ADGRL3: variants seen among roughly 807,000 people sequenced by gnomAD.
ADGRL3 encodes calcium-independent alpha-latrotoxin receptor 3.
Under a neutral mutation model 153.5 loss-of-function variants are expected in ADGRL3, and 62 were observed. The observed-to-expected ratio is 0.40, with a 90% CI of 0.33 to 0.50. The LOEUF is 0.50. ADGRL3 is among the 20% of genes least tolerant of loss of function. The pLI, the probability that ADGRL3 is intolerant of heterozygous loss-of-function variation, is 0.47. For missense variants in ADGRL3, 1,641 were observed against 1,859.4 expected, an observed-to-expected ratio of 0.88 and a Z score of 2.16; for synonymous variants, 710 against 672.5, an observed-to-expected ratio of 1.06 and a Z score of -0.86.
chr4:61,592,906 A>T (rs1474759770), intron 5 of ADGRL3, among the ~76,000 whole-genome samples: 1 of 152,168 alleles, frequency 6.6e-6, no homozygotes, highest in Non-Finnish European at 1.5e-5. Context: ...AGCATGGTTC[A>T]TGGAAATTTG....
intron 8 of ADGRL3, among the ~76,000 whole-genome samples, chr4:61,766,090 T>C (rs2096975141): frequency 6.6e-6 from 1 of 151,528 alleles, no homozygotes; most frequent in Non-Finnish European, 1.5e-5. Context: ...AGAAAGAAAT[T>C]TGGGGAAATG....
chr4:61,647,499 T>A (rs951868962), intron 5 of ADGRL3, among the ~76,000 whole-genome samples: 10 of 152,158 alleles, frequency 6.6e-5, no homozygotes, highest in Admixed American at 1.3e-4. Flanking sequence ...CATTGAAGTC[T>A]CATTGATGGT....
chr4:61,477,164 A>T (rs918874153), intron 2 of ADGRL3, among the ~76,000 whole-genome samples: 2 of 152,158 alleles, frequency 1.3e-5, no homozygotes, highest in Admixed American at 6.5e-5. Flanking sequence ...TTGAGCCTCT[A>T]TTCAAATTAC....
intron 4 of ADGRL3, among the ~76,000 whole-genome samples, chr4:61,554,326 T>A (rs1378541913): frequency 6.6e-6 from 1 of 151,972 alleles, no homozygotes; most frequent in Non-Finnish European, 1.5e-5. Context: ...CCAGATTAGC[T>A]GGGATTACAG....
At chr4:62,007,383 T>TATATATATATATATATACACACAC (rs71213024) in intron 21 of ADGRL3, among the ~76,000 whole-genome samples, 1 of 30,782 alleles carries the variant, frequency 3.2e-5, no homozygotes, top group Non-Finnish European at 6.5e-5. Flanking sequence ...TATATATATA[T>TATATATATATATATATACACACAC]ACACACACAC....
At chr4:61,858,238 G>T (rs73823269) in intron 9 of ADGRL3, among the ~76,000 whole-genome samples, 13,450 of 152,102 alleles carry the variant, frequency 0.088, 1,250 homozygotes, top group African/African-American at 0.23. Context: ...GCTATGTATG[G>T]CCTCCCTCAC....
chr4:61,573,021 T>C (rs2098845282), intron 4 of ADGRL3, among the ~76,000 whole-genome samples: 1 of 151,996 alleles, frequency 6.6e-6, no homozygotes, highest in African/African-American at 2.4e-5. Context: ...ATGGGTCATC[T>C]GAGCCAAATC....
At chr4:61,353,574 C>T (rs2096095967) in intron 1 of ADGRL3, among the ~76,000 whole-genome samples, 1 of 150,658 alleles carries the variant, frequency 6.6e-6, no homozygotes, top group Non-Finnish European at 1.5e-5. Flanking sequence ...ATGTGTACCA[C>T]CACACCTGGC....
intron 5 of ADGRL3, among the ~76,000 whole-genome samples, chr4:61,606,320 G>A (rs2099032210): frequency 1.3e-5 from 2 of 152,202 alleles, no homozygotes; most frequent in Admixed American, 6.5e-5. Context: ...TATGTCAAGA[G>A]CATTGGATTT....
At chr4:62,009,788 C>T (rs189923491) in intron 21 of ADGRL3, among the ~76,000 whole-genome samples, 9 of 152,138 alleles carry the variant, frequency 5.9e-5, no homozygotes, top group African/African-American at 1.4e-4. Flanking sequence ...CCCTCAAGAC[C>T]GCCCCCACTT....
intron 17 of ADGRL3, among the ~76,000 whole-genome samples, chr4:61,955,688 C>T (rs2098963414): frequency 6.6e-6 from 1 of 152,048 alleles, no homozygotes; most frequent in Non-Finnish European, 1.5e-5. Flanking sequence ...CTTCCCTCAC[C>T]CCCCAATCCC....
intron 2 of ADGRL3, among the ~76,000 whole-genome samples, chr4:61,453,683 G>A (rs546872138): frequency 4.8e-4 from 73 of 152,068 alleles, no homozygotes; most frequent in Non-Finnish European, 9.9e-4. Flanking sequence ...ATCCATGTTC[G>A]TTCCTACCTA....
chr4:61,930,834 A>C (rs549680684), intron 13 of ADGRL3, among the ~76,000 whole-genome samples: 7 of 152,178 alleles, frequency 4.6e-5, no homozygotes, highest in Admixed American at 2.0e-4. Flanking sequence ...ACTCACCCGT[A>C]CCTACCCTCA....
intron 21 of ADGRL3, among the ~76,000 whole-genome samples, chr4:62,017,210 G>A (rs9884445): frequency 0.024 from 3,650 of 151,858 alleles, 148 homozygotes; most frequent in African/African-American, 0.084. Context: ...GATTTGGATC[G>A]CAATTGAGCA....
chr4:61,431,781 A>G (rs7693679), intron 2 of ADGRL3, among the ~76,000 whole-genome samples: 140,260 of 152,250 alleles, frequency 0.92, 65,691 homozygotes, highest in East Asian at 1. Context: ...TTGTCTGCTA[A>G]AATCATGTAA....
At chr4:61,251,024 A>G (rs1759021489) in intron 1 of ADGRL3, among the ~76,000 whole-genome samples, 2 of 152,214 alleles carry the variant, frequency 1.3e-5, no homozygotes, top group Admixed American at 1.3e-4. Context: ...GTGATAGTCC[A>G]TTTATATGTT....
chr4:61,575,895 A>AT (rs906516455), intron 4 of ADGRL3, among the ~76,000 whole-genome samples: 1 of 152,038 alleles, frequency 6.6e-6, no homozygotes, highest in South Asian at 2.1e-4. Flanking sequence ...CTTTCTATTG[A>AT]TTTTTTTGTG....
At position 61,256,654 on chromosome 4, in the gene ADGRL3, C is replaced by T. The variant is rs528912583; in HGVS notation, c.-240+54889C>T. 2.6e-5 allele frequency among the ~76,000 whole-genome samples: 4 copies of T among 152,230 alleles called. No homozygotes were observed. The South Asian group carries it at 8.3e-4, about 32-fold the overall frequency. On this transcript the variant is annotated intron_variant, in intron 1 of 26. Coordinates refer to ENST00000683033, the MANE Select transcript of ADGRL3 (RefSeq NM_001387552.1). ...AAATCAAACACAGAAAGCGCATTTT[C>T]ACTTTTGCCTTACGAATGATTCGCT...
intron 13 of ADGRL3, among the ~76,000 whole-genome samples, chr4:61,920,184 T>C (rs2098762211): frequency 6.6e-6 from 1 of 152,198 alleles, no homozygotes; most frequent in Non-Finnish European, 1.5e-5. Flanking sequence ...AAATAGATAT[T>C]ATTTCTATGC....
Sources: gnomAD v4.1 joint callset for allele counts (sites outside exome capture counted in the v4.1 genomes callset) on GRCh38, gnomAD v4.1.1 for gene constraint, MANE v1.5 for transcripts, NCBI Gene and HGNC (gene_info 2026-07-23, HGNC 2026-07-21) for gene names.